Variants in SEPTIN7 observed in about 807,000 individuals in gnomAD.
The protein encoded by SEPTIN7 is septin-7.
Under a neutral mutation model 63.3 loss-of-function variants are expected in SEPTIN7, and 10 were observed. The ratio of observed to expected loss-of-function variants is 0.16; its 90% CI spans 0.10 to 0.27. SEPTIN7 has a LOEUF of 0.27. SEPTIN7 is among the 10% of genes least tolerant of loss of function. The pLI, the probability that SEPTIN7 is intolerant of heterozygous loss-of-function variation, is 1.00. For synonymous variants in SEPTIN7, 131 were observed against 165.3 expected, an observed-to-expected ratio of 0.79 and a Z score of 1.59; for missense variants, 310 against 521.0, an observed-to-expected ratio of 0.59 and a Z score of 3.94.
At chr7:35,817,236 C>A (rs112028013) in intron 1 of SEPTIN7, among the ~76,000 whole-genome samples, 11 of 151,914 alleles carry the variant, frequency 7.2e-5, no homozygotes, top group African/African-American at 2.7e-4. Flanking sequence ...TTGTGTATGG[C>A]GTGAGATAGG....
At position 35,907,015 on chromosome 7, in the gene SEPTIN7, A is replaced by G. The variant is rs922880321; in HGVS notation, c.*2722A>G. The stretch of plus-strand genomic sequence containing the variant: ...TGTCCATAATTATATGTATTGAACA[A>G]TGAAAATATGTGTCAACAAATGTAC... On this transcript the variant is annotated 3_prime_UTR_variant, in exon 14 of 14. Transcript: ENST00000350320. 2 of 152,266 alleles carry G rather than the reference A, an allele frequency of 1.3e-5. No individual in the cohort carries two copies. The highest frequency in any genetic ancestry group is 4.8e-5 in the African/African-American group (2 of 41,468). The allele number at this position is 152,266 out of a possible 1,614,324, so 9.4% of individuals were successfully genotyped here.
chr7:35,859,143 A>G (rs1253148937), intron 3 of SEPTIN7, among the ~76,000 whole-genome samples: 3 of 152,126 alleles, frequency 2.0e-5, no homozygotes, highest in African/African-American at 7.2e-5. Context: ...GTTTACAACT[A>G]TAAATTTCCT....
chr7:35,857,857 G>T (rs1202282964), intron 3 of SEPTIN7, among the ~76,000 whole-genome samples: 1 of 151,946 alleles, frequency 6.6e-6, no homozygotes, highest in Non-Finnish European at 1.5e-5. Context: ...CTTCATCACT[G>T]TTTCCAAAAA....
At chr7:35,914,777 A>G in the SEPTIN7 span, among the ~76,000 whole-genome samples, 1 of 151,554 alleles carries the variant, frequency 6.6e-6, no homozygotes, top group African/African-American at 2.4e-5. Flanking sequence ...ATAAATCTCT[A>G]TTCTCTCTCT....
intron 1 of SEPTIN7, among the ~76,000 whole-genome samples, chr7:35,821,679 C>T (rs1789417723): frequency 6.6e-6 from 1 of 152,164 alleles, no homozygotes; most frequent in Non-Finnish European, 1.5e-5. Context: ...TTAAATTGCC[C>T]TTTAAGTAAG....
chr7:35,823,877 T>C (rs746512072), intron 1 of SEPTIN7, among the ~76,000 whole-genome samples: 9 of 152,186 alleles, frequency 5.9e-5, no homozygotes, highest in Admixed American at 3.9e-4. Flanking sequence ...TTTTGGGATT[T>C]TCAAGTTGTT....
chr7:35,831,907 T>C (rs369406813), intron 2 of SEPTIN7: 1 of 304,538 alleles, frequency 3.3e-6, no homozygotes, highest in African/African-American at 2.3e-5. Flanking sequence ...CAGAAACTTT[T>C]AAGAGAATGT....
chr7:35,853,436 G>C (rs1785058872), intron 3 of SEPTIN7, among the ~76,000 whole-genome samples: 1 of 152,138 alleles, frequency 6.6e-6, no homozygotes, highest in Non-Finnish European at 1.5e-5. Context: ...GGCTGGGCGG[G>C]GGAAGTGGGT....
chr7:35,853,592 C>T (rs1254860381), intron 3 of SEPTIN7, among the ~76,000 whole-genome samples: 2 of 152,192 alleles, frequency 1.3e-5, no homozygotes, highest in African/African-American at 2.4e-5. Flanking sequence ...AAGTTACTTT[C>T]AGAGGTTTCA....
chr7:35,802,210 GA>G, intron 1 of SEPTIN7: 2 of 293,170 alleles, frequency 6.8e-6, no homozygotes, highest in Admixed American at 3.4e-5. Context: ...CCACATGTTG[GA>G]AAAAGAACAG....
At chr7:35,812,093 C>G in intron 1 of SEPTIN7, 1 of 222,892 alleles carries the variant, frequency 4.5e-6, no homozygotes, top group Non-Finnish European at 9.3e-6. Context: ...AGCCTCTGCA[C>G]TGCCTGGTGA....
chr7:35,854,780 A>G (rs2116083080), intron 3 of SEPTIN7, among the ~76,000 whole-genome samples: 1 of 152,188 alleles, frequency 6.6e-6, no homozygotes, highest in Non-Finnish European at 1.5e-5. Flanking sequence ...TTTAAATATT[A>G]AAAGTTAAAA....
chr7:35,903,062 G>A lies in SEPTIN7; in HGVS notation c.1135-14G>A, dbSNP rs1392227336. 8 of 1,534,582 alleles carry A rather than the reference G, an allele frequency of 5.2e-6. No homozygotes were observed. The highest frequency in any genetic ancestry group is 1.4e-5 in the African/African-American group (1 of 71,784). ...CTTAAATAGTTTTGTTTTATATATT[G>A]TGCTATGATTTAGCTCCAGCGGCGC... On this transcript the variant is annotated splice_polypyrimidine_tract_variant and intron_variant, in intron 12 of 13. Coordinates refer to ENST00000350320, the MANE Select transcript of SEPTIN7 (RefSeq NM_001788.6).
At chr7:35,814,664 C>T (rs185024270) in intron 1 of SEPTIN7, among the ~76,000 whole-genome samples, 74 of 152,014 alleles carry the variant, frequency 4.9e-4, no homozygotes, top group Non-Finnish European at 8.8e-4. Flanking sequence ...TTTACATGTA[C>T]ATGATGCTAC....
At chr7:35,830,005 G>A (rs1341997390) in intron 1 of SEPTIN7, among the ~76,000 whole-genome samples, 1 of 152,144 alleles carries the variant, frequency 6.6e-6, no homozygotes, top group East Asian at 1.9e-4. Flanking sequence ...GGCCAAGATG[G>A]TGAAACCCCA....
In SEPTIN7 at chr7:35,884,145, T is replaced by C. The variant is rs571687143; in HGVS notation, c.820+158T>C. ...GTTCTTGTAGTCTCAATTTTCTCTT[T>C]AAGTACATTGGTATTTTTCAAACCT... On this transcript the variant is annotated intron_variant, in intron 9 of 13. Transcript: ENST00000350320. Among the ~76,000 whole-genome samples, 5 of 152,310 alleles carry C rather than the reference T, an allele frequency of 3.3e-5. No individual in the cohort carries two copies. In the South Asian group the frequency reaches 1.0e-3, roughly 32 times the overall value.
chr7:35,816,852 T>G (rs962765328), intron 1 of SEPTIN7, among the ~76,000 whole-genome samples: 4 of 152,166 alleles, frequency 2.6e-5, no homozygotes, highest in African/African-American at 9.6e-5. Context: ...ATTGGCAATT[T>G]GTACACCTTC....
chr7:35,878,028 C>T (rs1225843723), intron 6 of SEPTIN7, among the ~76,000 whole-genome samples: 1 of 152,078 alleles, frequency 6.6e-6, no homozygotes, highest in Non-Finnish European at 1.5e-5. Flanking sequence ...AAGTAAAAAG[C>T]AGAATGGTTG....
chr7:35,827,059 A>G (rs1440549314), intron 1 of SEPTIN7, among the ~76,000 whole-genome samples: 1 of 152,184 alleles, frequency 6.6e-6, no homozygotes, highest in Non-Finnish European at 1.5e-5. Context: ...TCCATCAAAC[A>G]GTGGAGTTAC....
Sources: allele counts gnomAD v4.1 joint callset (sites outside exome capture counted in the v4.1 genomes callset), GRCh38; gene constraint gnomAD v4.1.1; transcripts MANE v1.5; gene names NCBI Gene and HGNC (gene_info 2026-07-23, HGNC 2026-07-21).